The following FARP1 variants were observed in gnomAD, a reference collection of about 807,000 sequenced individuals.
The protein encoded by FARP1 is FERM, ARHGEF and pleckstrin domain-containing protein 1.
Under a neutral mutation model 128.8 loss-of-function variants are expected in FARP1, and 52 were observed. The observed-to-expected ratio is 0.40, with a 90% CI of 0.32 to 0.51. The LOEUF is 0.51. Ranked by LOEUF, FARP1 falls within the 20% of genes least tolerant of loss-of-function variation. The pLI, the probability that FARP1 is intolerant of heterozygous loss-of-function variation, is 0.45. For synonymous variants in FARP1, 580 were observed against 551.8 expected, an observed-to-expected ratio of 1.05 and a Z score of -0.72; for missense variants, 1,333 against 1,367.9, an observed-to-expected ratio of 0.97 and a Z score of 0.40.
intron 2 of FARP1, among the ~76,000 whole-genome samples, chr13:98,302,645 C>A (rs1885971703): frequency 6.6e-6 from 1 of 152,176 alleles, no homozygotes; most frequent in Non-Finnish European, 1.5e-5. Flanking sequence ...AGGTGAAGAG[C>A]AAAGAGGAAC....
At chr13:98,247,184 G>T (rs1288637648) in intron 2 of FARP1, among the ~76,000 whole-genome samples, 1 of 152,234 alleles carries the variant, frequency 6.6e-6, no homozygotes, top group Non-Finnish European at 1.5e-5. Flanking sequence ...GGAGGTTGCA[G>T]TGAGCTGAGA....
chr13:98,281,961 A>G (rs142263709), intron 2 of FARP1, among the ~76,000 whole-genome samples: 78 of 152,322 alleles, frequency 5.1e-4, no homozygotes, highest in African/African-American at 1.8e-3. Context: ...ATCACTTGGC[A>G]GAAATCCTCT....
At position 98,431,168 on chromosome 13, in the gene FARP1, G is replaced by A. The variant is rs145214983; in HGVS notation, c.2031G>A (p.Pro677=). The part of the protein sequence containing the change: ...DFELQKVCYL[P]LNTFLLRPLH... ...AGCTGCAGAAGGTGTGTTACCTACC[G>A]CTCAACACCTTCCTCCTGCGGCCAC... The change falls in exon 18 of 27, where the codon CCG becomes CCA. Residue 677 remains proline (P), a synonymous_variant. Coordinates refer to ENST00000319562, the MANE Select transcript of FARP1 (RefSeq NM_005766.4). The A allele has an allele frequency of 1.3e-5, 21 of 1,613,752 alleles. No individual in the cohort carries two copies. The highest frequency in any genetic ancestry group is 8.0e-5 in the African/African-American group (6 of 74,900).
chr13:98,355,532 C>T (rs1047518657), intron 3 of FARP1, among the ~76,000 whole-genome samples: 11 of 152,112 alleles, frequency 7.2e-5, no homozygotes, highest in African/African-American at 1.2e-4. Flanking sequence ...TTCTCAGGGC[C>T]GCATCCCAGA....
intron 2 of FARP1, among the ~76,000 whole-genome samples, chr13:98,299,216 C>T (rs1019271357): frequency 6.6e-6 from 1 of 152,162 alleles, no homozygotes; most frequent in African/African-American, 2.4e-5. Context: ...GCAGAAGTAA[C>T]CATTGTTACA....
At chr13:98,287,894 C>T (rs1354792660) in intron 2 of FARP1, among the ~76,000 whole-genome samples, 1 of 151,114 alleles carries the variant, frequency 6.6e-6, no homozygotes, top group African/African-American at 2.4e-5. Flanking sequence ...CTCTGACTCC[C>T]TGGTTCAAGC....
intron 13 of FARP1, chr13:98,403,313 G>A (rs576479908): frequency 6.6e-6 from 1 of 152,378 alleles, no homozygotes; most frequent in East Asian, 1.9e-4. Flanking sequence ...GGGAGAAGGG[G>A]GGCCCTTAGA....
chr13:98,317,839 G>A (rs1886789956), intron 2 of FARP1, among the ~76,000 whole-genome samples: 1 of 151,998 alleles, frequency 6.6e-6, no homozygotes, highest in Non-Finnish European at 1.5e-5. Context: ...GTCCTTTCAT[G>A]GCAGAGAGAG....
Position 98,277,148 on chromosome 13 carries a change from A to ACACACACACACACACC in FARP1, c.171+63736_171+63737insACACACACACACACCC, listed in dbSNP as rs372627844. 9.0e-3 allele frequency among the ~76,000 whole-genome samples: 1,249 copies of ACACACACACACACACC among 138,532 alleles called. 12 individuals carry two copies. The highest frequency in any genetic ancestry group is 0.029 in the East Asian group (143 of 4,896). 90.9% of individuals were successfully genotyped at this position (138,532 alleles called of 152,430 possible). On this transcript the variant is annotated intron_variant, in intron 2 of 26. Coordinates refer to ENST00000319562, the MANE Select transcript of FARP1 (RefSeq NM_005766.4). ...CACACACACACACACACACACACAC[A>ACACACACACACACACC]CCCCATATGTATATATTAGAAGCAG...
At chr13:98,224,548 A>AG (rs1286120588) in intron 2 of FARP1, among the ~76,000 whole-genome samples, 2 of 149,332 alleles carry the variant, frequency 1.3e-5, no homozygotes, top group African/African-American at 2.5e-5. Context: ...AAAAAAAAGA[A>AG]AAAAAAAAAG....
chr13:98,388,280 C>A, intron 8 of FARP1, 103 bp from the exon 9 acceptor site: 1 of 785,456 alleles, frequency 1.3e-6, no homozygotes, highest in East Asian at 2.6e-5. Flanking sequence ...ACTGAGCAGT[C>A]GCCTGCCAGC....
chr13:98,158,847 G>A (rs545696012), intron 1 of FARP1, among the ~76,000 whole-genome samples: 14 of 152,252 alleles, frequency 9.2e-5, no homozygotes, highest in Non-Finnish European at 1.9e-4. Flanking sequence ...TTCCGTCTGC[G>A]TCATGCTGTT....
At chr13:98,164,150 A>C (rs1212416204) in intron 1 of FARP1, among the ~76,000 whole-genome samples, 1 of 152,228 alleles carries the variant, frequency 6.6e-6, no homozygotes, top group East Asian at 1.9e-4. Context: ...AGTTTACCTA[A>C]TAGCATGTAA....
At chr13:98,234,775 A>G (rs1458163164) in intron 2 of FARP1, 1 of 152,206 alleles carries the variant, frequency 6.6e-6, no homozygotes, top group Admixed American at 6.5e-5. Flanking sequence ...TTGGCTGTCT[A>G]TCTAAATATG....
intron 3 of FARP1, among the ~76,000 whole-genome samples, chr13:98,349,620 G>A (rs1259641285): frequency 1.5e-5 from 2 of 134,760 alleles, no homozygotes; most frequent in Admixed American, 8.8e-5. Context: ...GCAGTGAGCC[G>A]AGATCGCACC....
chr13:98,454,444 G>C lies in FARP1; in HGVS notation c.*6127G>C, dbSNP rs1374322037. On this transcript the variant is annotated 3_prime_UTR_variant, in exon 27 of 27. Coordinates refer to ENST00000319562, the MANE Select transcript of FARP1 (RefSeq NM_005766.4). ...TCCAATCTAGAGCTCCTCTTTTCAG[G>C]CATTTGAAATACTTGGCATCTCTCC... 2.0e-5 allele frequency: 3 copies of C among 152,156 alleles called. No individual in the cohort carries two copies. The highest frequency in any genetic ancestry group is 1.3e-4 in the Admixed American group (2 of 15,288). The allele number at this position is 152,156 out of a possible 1,614,324, so 9.4% of individuals were successfully genotyped here.
At chr13:98,180,577 G>T (rs899268480) in intron 1 of FARP1, among the ~76,000 whole-genome samples, 3 of 152,200 alleles carry the variant, frequency 2.0e-5, no homozygotes, top group African/African-American at 7.2e-5. Context: ...GCATGCTGCT[G>T]CTTGTCATCT....
intron 1 of FARP1, among the ~76,000 whole-genome samples, chr13:98,144,741 C>T (rs963145714): frequency 6.6e-6 from 1 of 152,224 alleles, no homozygotes; most frequent in Non-Finnish European, 1.5e-5. Flanking sequence ...AAAGAAACAT[C>T]TTTCTGGTCC....
chr13:98,420,169 T>C (rs1891539668), intron 16 of FARP1, among the ~76,000 whole-genome samples: 1 of 152,180 alleles, frequency 6.6e-6, no homozygotes, highest in South Asian at 2.1e-4. Flanking sequence ...ATGGGCTTTA[T>C]GTTGACCCTG....
Sources: allele counts gnomAD v4.1 joint callset (sites outside exome capture counted in the v4.1 genomes callset), GRCh38; gene constraint gnomAD v4.1.1; transcripts MANE v1.5; gene names NCBI Gene and HGNC (gene_info 2026-07-23, HGNC 2026-07-21).